LRRC4C: variants seen among roughly 807,000 people sequenced by gnomAD.
LRRC4C encodes the protein leucine-rich repeat-containing protein 4C.
Under a neutral mutation model 33.6 loss-of-function variants are expected in LRRC4C, and 5 were observed. The ratio of observed to expected loss-of-function variants is 0.15; its 90% confidence interval spans 0.08 to 0.31. LRRC4C has a LOEUF of 0.31. LRRC4C is among the 10% of genes least tolerant of loss of function. The pLI is 1.00. For synonymous variants in LRRC4C, 329 were observed against 302.0 expected, an observed-to-expected ratio of 1.09 and a Z score of -0.93; for missense variants, 560 against 796.7, an observed-to-expected ratio of 0.70 and a Z score of 3.58.
chr11:41,419,974 A>C (rs1443000843), intron 1 of LRRC4C, among the ~76,000 whole-genome samples: 1 of 151,874 alleles, frequency 6.6e-6, no homozygotes, highest in Non-Finnish European at 1.5e-5. Context: ...ATAAGGCCTC[A>C]GCTTCCAATA....
At chr11:41,432,692 T>C (rs1254178007) in intron 1 of LRRC4C, among the ~76,000 whole-genome samples, 2 of 152,022 alleles carry the variant, frequency 1.3e-5, no homozygotes, top group Non-Finnish European at 2.9e-5. Context: ...GGAGTCTCCC[T>C]ATAGGATACT....
At chr11:41,238,075 C>A in intron 1 of LRRC4C, among the ~76,000 whole-genome samples, 1 of 152,142 alleles carries the variant, frequency 6.6e-6, no homozygotes, top group South Asian at 2.1e-4. Context: ...TTCCTATGAA[C>A]AAATGTTAAA....
Position 41,275,125 on chromosome 11 carries a change from C to A in LRRC4C, c.-496+184306G>T, listed in dbSNP as rs544309826. On this transcript the variant is annotated intron_variant, in intron 1 of 6. Coordinates refer to ENST00000528697, the MANE Select transcript of LRRC4C (RefSeq NM_001258419.2). ...ATGAGATAGGCCAGCTTACCCTTGG[C>A]CTTCCACCTTGATTGTAAGCTTCGT... 7.2e-5 allele frequency among the ~76,000 whole-genome samples: 11 copies of A among 152,304 alleles called. No individual in the cohort carries two copies. The East Asian group carries it at 1.7e-3, about 24-fold the overall frequency.
At chr11:41,179,201 T>TA (rs1184392648) in intron 1 of LRRC4C, among the ~76,000 whole-genome samples, 5 of 151,104 alleles carry the variant, frequency 3.3e-5, no homozygotes, top group African/African-American at 4.9e-5. Context: ...TTTTTTTTTT[T>TA]AAGATATCTG....
At chr11:40,347,646 T>G (rs567515416) in intron 3 of LRRC4C, among the ~76,000 whole-genome samples, 4 of 152,340 alleles carry the variant, frequency 2.6e-5, no homozygotes, top group Admixed American at 6.5e-5. Context: ...TTCGCTCTTG[T>G]TGCCTAGGCT....
chr11:41,066,970 A>C (rs1938292145), intron 1 of LRRC4C, among the ~76,000 whole-genome samples: 1 of 152,198 alleles, frequency 6.6e-6, no homozygotes, highest in African/African-American at 2.4e-5. Context: ...ACACACCAAA[A>C]TATGAAAACC....
chr11:40,927,146 C>T (rs1473765338), intron 2 of LRRC4C, among the ~76,000 whole-genome samples: 1 of 152,042 alleles, frequency 6.6e-6, no homozygotes. Context: ...GAGGCTGAGG[C>T]GGGTGGACCA....
intron 2 of LRRC4C, among the ~76,000 whole-genome samples, chr11:40,817,090 G>A (rs1035509946): frequency 5.9e-5 from 9 of 152,128 alleles, no homozygotes; most frequent in African/African-American, 2.2e-4. Flanking sequence ...TTGCAGTGGT[G>A]TAATAAATAA....
At chr11:41,329,905 G>A (rs761748731) in intron 1 of LRRC4C, among the ~76,000 whole-genome samples, 59 of 152,322 alleles carry the variant, frequency 3.9e-4, no homozygotes, top group Admixed American at 1.1e-3. Flanking sequence ...CACTGAGCAC[G>A]TGGAAAGCAG....
chr11:40,306,939 TGG>T (rs1945062596), intron 4 of LRRC4C, among the ~76,000 whole-genome samples: 2 of 150,704 alleles, frequency 1.3e-5, no homozygotes. Flanking sequence ...CAAGGTTATC[TGG>T]TTTTTTTTTT....
chr11:40,841,695 T>C (rs1039504794), intron 2 of LRRC4C, among the ~76,000 whole-genome samples: 1 of 152,216 alleles, frequency 6.6e-6, no homozygotes, highest in Non-Finnish European at 1.5e-5. Flanking sequence ...TGTGATATTT[T>C]CTTTTGACAG....
At chr11:40,145,281 A>C (rs2135033281) in intron 5 of LRRC4C, among the ~76,000 whole-genome samples, 1 of 152,306 alleles carries the variant, frequency 6.6e-6, no homozygotes, top group Non-Finnish European at 1.5e-5. Flanking sequence ...CCTAGGTCAA[A>C]AACTGGTGAC....
At chr11:41,370,718 A>T (rs940953546) in intron 1 of LRRC4C, among the ~76,000 whole-genome samples, 27 of 152,142 alleles carry the variant, frequency 1.8e-4, no homozygotes, top group African/African-American at 6.0e-4. Context: ...AATTTTTAAA[A>T]TTTTTTGGAG....
intron 1 of LRRC4C, among the ~76,000 whole-genome samples, chr11:41,016,990 A>C (rs1855631081): frequency 6.6e-6 from 1 of 152,172 alleles, no homozygotes; most frequent in African/African-American, 2.4e-5. Flanking sequence ...TATATCAATC[A>C]AAACAATGAA....
chr11:41,010,753 G>A (rs1407875912), intron 1 of LRRC4C, among the ~76,000 whole-genome samples: 1 of 152,150 alleles, frequency 6.6e-6, no homozygotes, highest in Admixed American at 6.6e-5. Flanking sequence ...TGAGAATCAG[G>A]ACTTTCCTGC....
At chr11:40,497,437 A>C (rs1347838659) in intron 3 of LRRC4C, among the ~76,000 whole-genome samples, 9 of 152,190 alleles carry the variant, frequency 5.9e-5, no homozygotes, top group Non-Finnish European at 1.2e-4. Flanking sequence ...AAGTAGAAAA[A>C]ATAAACTAAA....
chr11:40,945,069 C>T (rs1958334651), intron 1 of LRRC4C, among the ~76,000 whole-genome samples: 1 of 147,196 alleles, frequency 6.8e-6, no homozygotes, highest in Admixed American at 6.8e-5. Flanking sequence ...GCTTTGTCGC[C>T]CGGGCTGGAG....
intron 2 of LRRC4C, among the ~76,000 whole-genome samples, chr11:40,839,054 A>G (rs1042029361): frequency 6.6e-6 from 1 of 151,916 alleles, no homozygotes; most frequent in Non-Finnish European, 1.5e-5. Context: ...ACTTTGCTAT[A>G]TTTTCATGTA....
intron 1 of LRRC4C, among the ~76,000 whole-genome samples, chr11:40,978,402 C>T (rs368277395): frequency 5.9e-5 from 9 of 152,070 alleles, no homozygotes; most frequent in South Asian, 2.1e-4. Context: ...TTTTACACTC[C>T]GGGGAATATT....
Sources: allele counts gnomAD v4.1 joint callset (sites outside exome capture counted in the v4.1 genomes callset), GRCh38; gene constraint gnomAD v4.1.1; transcripts MANE v1.5; gene names NCBI Gene and HGNC (gene_info 2026-07-23, HGNC 2026-07-21).